Variants in RBFOX1 observed in about 807,000 individuals in gnomAD.
The protein encoded by RBFOX1 is RNA binding fox-1 homolog 1.
RBFOX1 carries 8 observed loss-of-function variants against 57.7 expected under a neutral mutation model. That is an observed-to-expected ratio of 0.14 (90% confidence interval 0.08 to 0.25). The LOEUF (loss-of-function observed/expected upper bound fraction) is 0.25. RBFOX1 is among the 10% of genes least tolerant of loss of function. RBFOX1 has a pLI of 1.00. For synonymous variants in RBFOX1, 326 were observed against 222.4 expected (o/e 1.47, Z -4.15); for missense variants, 611 against 548.5 (o/e 1.11, Z -1.14).
chr16:7,000,578 TTTTC>T lies in RBFOX1; in HGVS notation c.-15-51471_-15-51468del, dbSNP rs1232128498. 5.9e-5 allele frequency among the ~76,000 whole-genome samples: 6 copies of T among 102,140 alleles called. No individual in the cohort carries two copies. The Admixed American group carries it at 6.8e-4, about 12-fold the overall frequency. The allele number at this position is 102,140 out of a possible 152,430, so 67.0% of individuals were successfully genotyped here. A position where few individuals can be genotyped will look rare whatever the true frequency, so the allele number is the denominator to read the frequency against. On this transcript the variant is annotated intron_variant, in intron 3 of 15. Transcript: ENST00000550418. ...ACACATAATAAGTTTTCTTTTCTTT[TTTTC>T]TTTCTTTTTCTTTCTTTTTTTTTTT...
intron 1 of RBFOX1, among the ~76,000 whole-genome samples, chr16:6,147,678 A>G (rs540374042): frequency 6.6e-6 from 1 of 152,330 alleles, no homozygotes; most frequent in African/African-American, 2.4e-5. Flanking sequence ...AAGGGACATC[A>G]GACTTAATGC....
intron 4 of RBFOX1, among the ~76,000 whole-genome samples, chr16:7,143,419 T>C (rs2074259427): frequency 6.6e-6 from 1 of 152,182 alleles, no homozygotes; most frequent in African/African-American, 2.4e-5. Context: ...GATTTCTTTA[T>C]TAGTCAATTT....
At chr16:6,771,258 A>T (rs2078244994) in intron 3 of RBFOX1, among the ~76,000 whole-genome samples, 1 of 152,140 alleles carries the variant, frequency 6.6e-6, no homozygotes, top group Admixed American at 6.5e-5. Context: ...GAGAAAATAA[A>T]TTTCTGTTGT....
chr16:7,234,206 A>C (rs1357835768), intron 4 of RBFOX1, among the ~76,000 whole-genome samples: 1 of 152,126 alleles, frequency 6.6e-6, no homozygotes, highest in Non-Finnish European at 1.5e-5. Context: ...GCAGAGGGAC[A>C]GTGAGGGCTC....
At chr16:6,787,604 T>C (rs1259753834) in intron 3 of RBFOX1, among the ~76,000 whole-genome samples, 1 of 152,054 alleles carries the variant, frequency 6.6e-6, no homozygotes, top group Non-Finnish European at 1.5e-5. Context: ...CAGTCTCTGT[T>C]CTCCATCCAC....
At position 6,468,757 on chromosome 16, in the gene RBFOX1, C is replaced by CT. The variant is rs1188265826; in HGVS notation, c.-64+151706dup. Among the ~76,000 whole-genome samples, 64 of 152,064 alleles carry CT rather than the reference C, an allele frequency of 4.2e-4. 1 individual carries two copies. Among genetic ancestry groups the CT allele is most frequent in the African/African-American group, 1.4e-3 (60 of 41,494 alleles). ...AGTCCTCTTTTCTACTTCTTTCTGC[C>CT]TTTTTTATTTCTAATTTTATTTTAT... is the stretch of plus-strand genomic sequence containing the variant. On this transcript the variant is annotated intron_variant, in intron 2 of 15. Coordinates refer to ENST00000550418, the MANE Select transcript of RBFOX1 (RefSeq NM_018723.4).
At chr16:7,222,727 A>G (rs1432352357) in intron 4 of RBFOX1, among the ~76,000 whole-genome samples, 1 of 152,188 alleles carries the variant, frequency 6.6e-6, no homozygotes, top group Non-Finnish European at 1.5e-5. Flanking sequence ...CCAATGCCTG[A>G]CACACATATG....
rs1177035872 is a variant in RBFOX1, at chr16:5,920,564, C to T, written c.351+53229C>T. On this transcript the variant is annotated intron_variant, in intron 4 of 19. Coordinates refer to the RBFOX1 transcript ENST00000641259. ...TGCCATGGTAGCCTTGACCTGGCTCCCTAGTCTCAAGAGCACAGCCCAGGC... is the reference window on the plus strand; with the variant it reads ...TGCCATGGTAGCCTTGACCTGGCTCTCTAGTCTCAAGAGCACAGCCCAGGC... Among the ~76,000 whole-genome samples, 5 of 152,208 alleles carry T rather than the reference C, an allele frequency of 3.3e-5. No homozygotes were observed. The South Asian group carries it at 1.0e-3, about 32-fold the overall frequency.
In RBFOX1 at chr16:5,798,598, C is replaced by T. The variant is rs555843584; in HGVS notation, c.319-68705C>T. On this transcript the variant is annotated intron_variant, in intron 3 of 19. Transcript: ENST00000641259. ...GATTGTTAGGGCAACAGGAACTGGA[C>T]GTTGGGTCTTGTGGTCTGGATCACT... 2.2e-3 allele frequency among the ~76,000 whole-genome samples: 329 copies of T among 152,236 alleles called. 2 individuals carry two copies. The highest frequency in any genetic ancestry group is 0.015 in the South Asian group (71 of 4,820).
At chr16:6,947,836 G>A (rs1350295975) in intron 3 of RBFOX1, among the ~76,000 whole-genome samples, 3 of 152,134 alleles carry the variant, frequency 2.0e-5, no homozygotes, top group Non-Finnish European at 2.9e-5. Context: ...CAGTGCAGTC[G>A]TGCAATCTTG....
Position 6,728,172 on chromosome 16 carries a change from A to G in RBFOX1, c.-16+73522A>G, listed in dbSNP as rs78333195. On this transcript the variant is annotated intron_variant, in intron 3 of 15. Transcript: ENST00000550418. ...ATCCATTCATTATGCTTTTTGGAAAATTACTTCAAGCAGTGTCACTTCTTA... is the reference window on the plus strand; with the variant it reads ...ATCCATTCATTATGCTTTTTGGAAAGTTACTTCAAGCAGTGTCACTTCTTA... 5.1e-3 allele frequency among the ~76,000 whole-genome samples: 773 copies of G among 152,274 alleles called. 9 individuals are homozygous for G. Among genetic ancestry groups the G allele is most frequent in the African/African-American group, 0.018 (732 of 41,540 alleles).
intron 1 of RBFOX1, among the ~76,000 whole-genome samples, chr16:6,134,061 C>A (rs980890468): frequency 6.6e-6 from 1 of 151,958 alleles, no homozygotes; most frequent in Admixed American, 6.6e-5. Context: ...CTCAGCCCCC[C>A]AGGTAACTGA....
At chr16:7,067,500 G>A (rs1460984010) in intron 4 of RBFOX1, among the ~76,000 whole-genome samples, 1 of 148,900 alleles carries the variant, frequency 6.7e-6, no homozygotes, top group Non-Finnish European at 1.5e-5. Flanking sequence ...CCCTGTAGTT[G>A]TAGAACTGAG....
intron 1 of RBFOX1, among the ~76,000 whole-genome samples, chr16:6,033,478 C>T (rs1317465841): frequency 1.3e-5 from 2 of 152,174 alleles, no homozygotes; most frequent in Middle Eastern, 3.2e-3. Context: ...CGAATACAAA[C>T]ATTTACACAG....
chr16:7,224,424 A>G (rs1484288673), intron 4 of RBFOX1, among the ~76,000 whole-genome samples: 1 of 152,154 alleles, frequency 6.6e-6, no homozygotes, highest in East Asian at 1.9e-4. Flanking sequence ...TTGGCCTATA[A>G]TGCCCCATAC....
chr16:7,064,161 C>CTTTTTTT (rs869135535), intron 4 of RBFOX1, among the ~76,000 whole-genome samples: 1 of 96,830 alleles, frequency 1.0e-5, no homozygotes, highest in African/African-American at 4.3e-5. Context: ...GACTGGTGTT[C>CTTTTTTT]TTTTTTTTTT....
chr16:5,471,291 C>G (rs2069125844), intron 2 of RBFOX1, among the ~76,000 whole-genome samples: 1 of 152,194 alleles, frequency 6.6e-6, no homozygotes, highest in Non-Finnish European at 1.5e-5. Context: ...AAGAGAGGCT[C>G]AGGAACCAGC....
intron 4 of RBFOX1, among the ~76,000 whole-genome samples, chr16:7,404,846 A>G (rs367729199): frequency 3.9e-5 from 6 of 152,228 alleles, no homozygotes; most frequent in Non-Finnish European, 7.4e-5. Context: ...CTCTCCTGGA[A>G]TGTGTTATGA....
chr16:7,489,518 T>A (rs4787034), intron 4 of RBFOX1, among the ~76,000 whole-genome samples: 4,151 of 111,038 alleles, frequency 0.037, 88 homozygotes, highest in East Asian at 0.17. Flanking sequence ...TATTATTATT[T>A]TTTTTTTGAG....
Sources: allele counts gnomAD v4.1 joint callset (sites outside exome capture counted in the v4.1 genomes callset), GRCh38; gene constraint gnomAD v4.1.1; transcripts MANE v1.5; gene names NCBI Gene and HGNC (gene_info 2026-07-23, HGNC 2026-07-21).